Variants in GAB1 observed in about 807,000 individuals in gnomAD.
GAB1 encodes GRB2 associated binding protein 1, also known as GRB2-associated-binding protein 1.
Under a neutral mutation model 66.5 loss-of-function variants are expected in GAB1, and 19 were observed. That is an observed-to-expected ratio of 0.29 (90% CI 0.20 to 0.42). The LOEUF (loss-of-function observed/expected upper bound fraction) is 0.42. GAB1 is among the 10% of genes least tolerant of loss of function. GAB1 has a pLI of 1.00. For synonymous variants in GAB1, 294 were observed against 301.4 expected (o/e 0.98, Z 0.25); for missense variants, 732 against 858.5 (o/e 0.85, Z 1.84).
intron 4 of GAB1, 93 bp downstream of exon 4, chr4:143,438,693 T>C: frequency 7.5e-7 from 1 of 1,334,508 alleles, no homozygotes; most frequent in Non-Finnish European, 1.0e-6. Context: ...TTAAATATAC[T>C]ATGCTACAAA....
chr4:143,398,904 A>AT (rs991871783), intron 1 of GAB1, among the ~76,000 whole-genome samples: 11 of 152,102 alleles, frequency 7.2e-5, no homozygotes, highest in African/African-American at 2.7e-4. Context: ...TACAAGAAAA[A>AT]AAAAGTAAGT....
At chr4:143,429,006 T>A (rs1733509354) in intron 2 of GAB1, among the ~76,000 whole-genome samples, 1 of 152,186 alleles carries the variant, frequency 6.6e-6, no homozygotes, top group East Asian at 1.9e-4. Flanking sequence ...TAAATAAAAA[T>A]AAATAAAAAA....
In GAB1 at chr4:143,448,742, C is replaced by T. The variant is rs1377783828; in HGVS notation, c.1585+8360C>T. On this transcript the variant is annotated intron_variant, in intron 6 of 9. Transcript: ENST00000262994. ...TTTGTTGATCCTTTCAAAAAACCAG[C>T]TCCTGGATTCATTAATTTTTGAAGG... Among the ~76,000 whole-genome samples, 9 of 151,874 alleles carry T rather than the reference C, an allele frequency of 5.9e-5. No individual in the cohort carries two copies. The South Asian group carries it at 1.9e-3, about 32-fold the overall frequency.
intron 2 of GAB1, among the ~76,000 whole-genome samples, chr4:143,431,822 A>T (rs993021069): frequency 1.3e-5 from 2 of 152,206 alleles, no homozygotes; most frequent in Admixed American, 6.5e-5. Flanking sequence ...CATGCAAAGC[A>T]CACCAGATTG....
chr4:143,365,848 G>T (rs906462551), intron 1 of GAB1, among the ~76,000 whole-genome samples: 1 of 152,118 alleles, frequency 6.6e-6, no homozygotes, highest in Non-Finnish European at 1.5e-5. Context: ...CCGTTAGTTG[G>T]GGACTACCAT....
intron 1 of GAB1, among the ~76,000 whole-genome samples, chr4:143,384,476 A>G (rs914873009): frequency 2.0e-5 from 3 of 152,176 alleles, no homozygotes; most frequent in Non-Finnish European, 4.4e-5. Context: ...TTCAGGGTGA[A>G]CTTGACTTTC....
chr4:143,373,822 C>CCTCTCTCT (rs3049718), intron 1 of GAB1, among the ~76,000 whole-genome samples: 2,325 of 97,750 alleles, frequency 0.024, 57 homozygotes, highest in Non-Finnish European at 0.029. Context: ...GGAGTGAAAC[C>CCTCTCTCT]CTCTCTCTCT....
intron 1 of GAB1, among the ~76,000 whole-genome samples, chr4:143,364,603 T>C (rs1004242073): frequency 2.6e-5 from 4 of 152,178 alleles, no homozygotes; most frequent in African/African-American, 9.7e-5. Flanking sequence ...GGATGGGCCT[T>C]CAGCAGAACG....
chr4:143,440,344 C>T lies in GAB1; in HGVS notation c.1547C>T (p.Pro516Leu), dbSNP rs1473585740. 1 of 1,613,822 alleles carries T rather than the reference C, an allele frequency of 6.2e-7. No individual in the cohort carries two copies. Among genetic ancestry groups the T allele is most frequent in the Non-Finnish European group, 8.5e-7 (1 of 1,179,850 alleles). ...CCAGTTCCTGTTGCAGACTGTGAAC[C>T]ACCCCCCGTGGATAGGAACCTCAAG... Reference protein sequence around the residue: ...RRPVPVADCEPPPVDRNLKPD... With the variant: ...RRPVPVADCELPPVDRNLKPD... Residue 516 changes from proline (P) to leucine (L), a missense_variant, in exon 6 of 10, where the codon CCA becomes CTA. Coordinates refer to ENST00000262994, the MANE Select transcript of GAB1 (RefSeq NM_002039.4).
At chr4:143,446,351 T>C (rs559049274) in intron 6 of GAB1, among the ~76,000 whole-genome samples, 2 of 152,326 alleles carry the variant, frequency 1.3e-5, no homozygotes, top group East Asian at 1.9e-4. Flanking sequence ...TAGTTCCAGA[T>C]CCCTGAGGAA....
rs796405442 is a variant in GAB1 at position 143,349,630 on chromosome 4, T to C, written c.72+12370T>C. On this transcript the variant is annotated intron_variant, in intron 1 of 9. Coordinates refer to ENST00000262994, the MANE Select transcript of GAB1 (RefSeq NM_002039.4). ...CACCTTGCAAGGGACGGTGTGGGGC[T>C]TGCCGATCTTGTTCCCCCAGTAGCC... is the stretch of plus-strand genomic sequence containing the variant. The C allele has an allele frequency of 1.8e-5, 27 of 1,465,224 alleles. No homozygotes were observed. In the African/African-American group the frequency reaches 3.2e-4, roughly 17 times the overall value. 90.8% of individuals were successfully genotyped at this position (1,465,224 alleles called of 1,614,324 possible).
chr4:143,350,678 C>CAAAA (rs34098103), intron 1 of GAB1, among the ~76,000 whole-genome samples: 34 of 88,368 alleles, frequency 3.8e-4, no homozygotes, highest in Non-Finnish European at 5.5e-4. Context: ...AACTCCGTCT[C>CAAAA]AAAAAAAAAA....
intron 1 of GAB1, among the ~76,000 whole-genome samples, chr4:143,348,429 G>A (rs1346052666): frequency 6.6e-6 from 1 of 152,216 alleles, no homozygotes; most frequent in African/African-American, 2.4e-5. Context: ...GGCTCAGCCA[G>A]AAGGTTTTCT....
intron 6 of GAB1, among the ~76,000 whole-genome samples, chr4:143,441,061 G>A (rs778197580): frequency 2.6e-5 from 4 of 152,134 alleles, no homozygotes; most frequent in Non-Finnish European, 4.4e-5. Flanking sequence ...TGCCTTTGCT[G>A]GGGTAATACA....
At chr4:143,378,625 A>G (rs924121977) in intron 1 of GAB1, among the ~76,000 whole-genome samples, 9 of 122,290 alleles carry the variant, frequency 7.4e-5, no homozygotes, top group African/African-American at 3.1e-4. Context: ...GGAACTTCCA[A>G]AGTGTCTCTC....
intron 1 of GAB1, among the ~76,000 whole-genome samples, chr4:143,404,519 A>G (rs572392162): frequency 1.3e-5 from 2 of 152,270 alleles, no homozygotes; most frequent in South Asian, 4.2e-4. Flanking sequence ...CTTGTCTCTT[A>G]AGTTGAAGAA....
chr4:143,473,756 C>T lies in GAB1; in HGVS notation c.*4567C>T, dbSNP rs1736174775. 1 of 152,154 alleles carries T rather than the reference C, an allele frequency of 6.6e-6. No individual in the cohort carries two copies. The highest frequency in any genetic ancestry group is 1.5e-5 in the Non-Finnish European group (1 of 68,020). 9.4% of individuals were successfully genotyped at this position (152,154 alleles called of 1,614,324 possible). A position where few individuals can be genotyped will look rare whatever the true frequency, so the allele number is the denominator to read the frequency against. ...TTTCTATGAAAGTTTCAAACATCTC[C>T]AGTACTTTATAAAATCCCAACAATT... On this transcript the variant is annotated 3_prime_UTR_variant, in exon 10 of 10. Coordinates refer to ENST00000262994, the MANE Select transcript of GAB1 (RefSeq NM_002039.4).
At position 143,413,900 on chromosome 4, in the gene GAB1, G is replaced by A. The variant is rs757945051; in HGVS notation, c.73-1577G>A. Among the ~76,000 whole-genome samples the A allele has an allele frequency of 4.4e-5, 6 of 135,806 alleles. No homozygotes were observed. The East Asian group carries it at 8.7e-4, about 20-fold the overall frequency. The allele number at this position is 135,806 out of a possible 152,430, so 89.1% of individuals were successfully genotyped here. ...TGGAGCGCAGTGATCTCAGCTCACTGCAACTGCCAACTCCGGGTTCAAGCG... is the reference window on the plus strand; with the variant it reads ...TGGAGCGCAGTGATCTCAGCTCACTACAACTGCCAACTCCGGGTTCAAGCG... On this transcript the variant is annotated intron_variant, in intron 1 of 9. Transcript: ENST00000262994.
At chr4:143,436,193 A>G (rs891820107) in intron 3 of GAB1, among the ~76,000 whole-genome samples, 18 of 152,206 alleles carry the variant, frequency 1.2e-4, no homozygotes, top group Non-Finnish European at 2.2e-4. Flanking sequence ...AGTTGGTGAG[A>G]GAAGAAAATC....
Sources: allele counts gnomAD v4.1 joint callset (sites outside exome capture counted in the v4.1 genomes callset), GRCh38; gene constraint gnomAD v4.1.1; transcripts MANE v1.5; gene names NCBI Gene and HGNC (gene_info 2026-07-23, HGNC 2026-07-21).